AGPAT3: variants seen among roughly 807,000 people sequenced by gnomAD.
AGPAT3 encodes the protein 1-acyl-sn-glycerol-3-phosphate acyltransferase gamma.
In AGPAT3, 5 loss-of-function variants were observed where a neutral mutation model predicts 47.3. The observed-to-expected ratio is 0.11, with a 90% confidence interval of 0.06 to 0.22. The LOEUF is 0.22. AGPAT3 is among the 10% of genes least tolerant of loss of function. AGPAT3 has a pLI of 1.00. For missense variants in AGPAT3, 315 were observed against 493.0 expected (o/e 0.64, Z 3.42); for synonymous variants, 212 against 208.3 (o/e 1.02, Z -0.15).
At chr21:43,902,374 A>T (rs1192081860) in intron 1 of AGPAT3, among the ~76,000 whole-genome samples, 1 of 152,254 alleles carries the variant, frequency 6.6e-6, no homozygotes, top group African/African-American at 2.4e-5. Context: ...GAACTGTAAG[A>T]TTAATAGGGG....
intron 2 of AGPAT3, among the ~76,000 whole-genome samples, chr21:43,917,900 CGGGTGTTGTGGGTGTTGTAGGGGGTGT>C (rs1268807996): frequency 1.1e-4 from 5 of 47,182 alleles, no homozygotes; most frequent in African/African-American, 1.9e-4. Context: ...GTAGGGGTTG[CGGGTGTTGTGGGTGTTGTAGGGGGTGT>C]GGGTGTTGTG....
chr21:43,929,094 G>A (rs1601332410), intron 2 of AGPAT3, among the ~76,000 whole-genome samples: 1 of 152,224 alleles, frequency 6.6e-6, no homozygotes, highest in Admixed American at 6.5e-5. Context: ...CTGAGTGGCG[G>A]GGCCCCGATA....
Position 43,970,938 on chromosome 21 carries a change from G to A in AGPAT3, c.664+132G>A, listed in dbSNP as rs531744505. The A allele has an allele frequency of 2.0e-5, 22 of 1,098,778 alleles. No homozygotes were observed. Among genetic ancestry groups the A allele is most frequent in the Non-Finnish European group, 1.1e-5 (9 of 825,936 alleles). The allele number at this position is 1,098,778 out of a possible 1,614,324, so 68.1% of individuals were successfully genotyped here. The stretch of plus-strand genomic sequence containing the variant: ...CAGAAGTGCAAAAGGAATCAAGTGA[G>A]GGGGTCGGCGCCGCAAGGTTCCCGC... On this transcript the variant is annotated intron_variant, in intron 6 of 9. Coordinates refer to ENST00000291572, the MANE Select transcript of AGPAT3 (RefSeq NM_020132.5). The surrounding 1 kb of genome is among the most constrained non-coding windows in gnomAD (Gnocchi z 5.8).
intron 2 of AGPAT3, among the ~76,000 whole-genome samples, chr21:43,935,456 A>G (rs2087412381): frequency 6.6e-6 from 1 of 152,246 alleles, no homozygotes; most frequent in East Asian, 1.9e-4. Context: ...GGGCCAGCAT[A>G]GGCCCCACAA....
At chr21:43,921,872 C>G (rs575696268) in intron 2 of AGPAT3, among the ~76,000 whole-genome samples, 2 of 152,192 alleles carry the variant, frequency 1.3e-5, no homozygotes, top group South Asian at 2.1e-4. Flanking sequence ...CCACCCCAAG[C>G]TGGGTGTCTG....
At chr21:43,946,309 A>C (rs1411689646) in intron 2 of AGPAT3, among the ~76,000 whole-genome samples, 1 of 152,202 alleles carries the variant, frequency 6.6e-6, no homozygotes, top group Non-Finnish European at 1.5e-5. Flanking sequence ...TATAATGAAA[A>C]GTGCATGAGG....
chr21:43,901,764 G>T (rs924848757), intron 1 of AGPAT3, among the ~76,000 whole-genome samples: 3 of 152,154 alleles, frequency 2.0e-5, no homozygotes, highest in South Asian at 4.1e-4. Context: ...GACAGCATGA[G>T]ACTGTCTCAA....
intron 1 of AGPAT3, among the ~76,000 whole-genome samples, chr21:43,881,386 C>A (rs753056596): frequency 1.1e-4 from 17 of 152,130 alleles, no homozygotes; most frequent in Non-Finnish European, 1.6e-4. Flanking sequence ...AACATGCAGA[C>A]AGAAAAGGGA....
At chr21:43,877,986 G>T (rs568347612) in intron 1 of AGPAT3, among the ~76,000 whole-genome samples, 1 of 151,040 alleles carries the variant, frequency 6.6e-6, no homozygotes, top group Non-Finnish European at 1.5e-5. Flanking sequence ...CCTCGCTTTC[G>T]ACTGAGACTG....
intron 2 of AGPAT3, among the ~76,000 whole-genome samples, chr21:43,912,605 A>G (rs1001897664): frequency 1.3e-5 from 2 of 152,230 alleles, no homozygotes; most frequent in African/African-American, 4.8e-5. Context: ...TTCTTTCTTA[A>G]TCAGTGGTGC....
chr21:43,905,107 G>C (rs1021812980), intron 2 of AGPAT3, among the ~76,000 whole-genome samples: 10 of 151,896 alleles, frequency 6.6e-5, no homozygotes, highest in Admixed American at 5.9e-4. Context: ...TGCCTCCATA[G>C]TTTTCAAATT....
chr21:43,895,316 C>T (rs2086190792), intron 1 of AGPAT3, among the ~76,000 whole-genome samples: 1 of 151,738 alleles, frequency 6.6e-6, no homozygotes, highest in Admixed American at 6.6e-5. Flanking sequence ...ACCATGTTGC[C>T]CAGGCTGGTC....
chr21:43,970,165 G>T lies in AGPAT3; in HGVS notation c.511-488G>T, dbSNP rs1009836925. On this transcript the variant is annotated intron_variant, in intron 5 of 9. Coordinates refer to ENST00000291572, the MANE Select transcript of AGPAT3 (RefSeq NM_020132.5). The surrounding 1 kb of genome is among the most constrained non-coding windows in gnomAD (Gnocchi z 5.8). ...TGGGATTACAGGCACTCACCACCAC[G>T]ACTGGCTAATTTTTGTATTTTCAGT... Among the ~76,000 whole-genome samples the T allele has an allele frequency of 6.7e-6, 1 of 148,858 alleles. No homozygotes were observed. The highest frequency in any genetic ancestry group is 2.5e-5 in the African/African-American group (1 of 40,156).
intron 2 of AGPAT3, among the ~76,000 whole-genome samples, chr21:43,917,724 C>G (rs1199337451): frequency 6.6e-6 from 1 of 151,696 alleles, no homozygotes; most frequent in Non-Finnish European, 1.5e-5. Context: ...GTTTCGCTGC[C>G]TTATCTACCG....
chr21:43,930,983 G>A lies in AGPAT3; in HGVS notation c.-49+26964G>A, dbSNP rs2146277944. Among the ~76,000 whole-genome samples, 1 of 152,268 alleles carries A rather than the reference G, an allele frequency of 6.6e-6. No individual in the cohort carries two copies. Among genetic ancestry groups the A allele is most frequent in the Admixed American group, 6.5e-5 (1 of 15,302 alleles). On this transcript the variant is annotated intron_variant, in intron 2 of 9. Coordinates refer to ENST00000291572, the MANE Select transcript of AGPAT3 (RefSeq NM_020132.5). The surrounding 1 kb of genome is among the most constrained non-coding windows in gnomAD (Gnocchi z 5.0). ...GCAGGGGCTGTGGGGGCTCTAGAGT[G>A]GGGGTGAACGCACGTCTGAGGCTCA... is the stretch of plus-strand genomic sequence containing the variant.
At chr21:43,877,630 G>A (rs2085763016) in intron 1 of AGPAT3, among the ~76,000 whole-genome samples, 1 of 152,072 alleles carries the variant, frequency 6.6e-6, no homozygotes. Context: ...TTTTAATAGA[G>A]ACGGGGTTTC....
rs2089342960 is a variant in AGPAT3 at position 43,970,351 on chromosome 21, C to G, written c.511-302C>G. 6.6e-6 allele frequency among the ~76,000 whole-genome samples: 1 copy of G among 152,222 alleles called. No individual in the cohort carries two copies. Among genetic ancestry groups the G allele is most frequent in the African/African-American group, 2.4e-5 (1 of 41,458 alleles). ...CATGCTGTGGCAAGTCGATGAAACCCTCTCTGTTTTCACACTGCTCAGAGG... is the reference window on the plus strand; with the variant it reads ...CATGCTGTGGCAAGTCGATGAAACCGTCTCTGTTTTCACACTGCTCAGAGG... On this transcript the variant is annotated intron_variant, in intron 5 of 9. Transcript: ENST00000291572. The surrounding 1 kb of genome is among the most constrained non-coding windows in gnomAD (Gnocchi z 5.8).
At chr21:43,889,305 G>GT (rs1249305761) in intron 1 of AGPAT3, among the ~76,000 whole-genome samples, 1 of 143,602 alleles carries the variant, frequency 7.0e-6, no homozygotes, top group African/African-American at 2.5e-5. Context: ...TTTTTTTAAT[G>GT]TTTTTTATCA....
At chr21:43,873,101 G>T (rs549048713) in intron 1 of AGPAT3, among the ~76,000 whole-genome samples, 66 of 152,382 alleles carry the variant, frequency 4.3e-4, no homozygotes, top group African/African-American at 1.5e-3. Flanking sequence ...GGCAGGAGCT[G>T]CAGGGAGATG....
Sources: allele counts gnomAD v4.1 joint callset (sites outside exome capture counted in the v4.1 genomes callset), GRCh38; gene constraint gnomAD v4.1.1; non-coding constraint Gnocchi (gnomAD v3.1); transcripts MANE v1.5; gene names NCBI Gene and HGNC (gene_info 2026-07-23, HGNC 2026-07-21).